The following CAPN14 variants were observed in gnomAD, a reference collection of about 807,000 sequenced individuals.
CAPN14 encodes calpain-14.
CAPN14 carries 94 observed loss-of-function variants against 101.3 expected under a neutral mutation model. The ratio of observed to expected loss-of-function variants is 0.93; its 90% CI spans 0.79 to 1.10. The LOEUF (loss-of-function observed/expected upper bound fraction) is 1.10, where lower values mean the gene tolerates loss of function less well. CAPN14 is among the 50% of genes least tolerant of loss of function. The pLI is 0.00. For missense variants in CAPN14, 837 were observed against 828.4 expected (o/e 1.01, Z -0.13); for synonymous variants, 338 against 317.9 (o/e 1.06, Z -0.67).
intron 12 of CAPN14, among the ~76,000 whole-genome samples, chr2:31,189,998 A>C (rs891173310): frequency 2.6e-5 from 4 of 152,194 alleles, no homozygotes; most frequent in African/African-American, 9.7e-5. Context: ...ACAGCTACAC[A>C]CAGATAAGCT....
chr2:31,216,742 C>G (rs1245960243), intron 1 of CAPN14, among the ~76,000 whole-genome samples: 5 of 152,132 alleles, frequency 3.3e-5, no homozygotes, highest in Admixed American at 1.3e-4. Context: ...CCGACTACCT[C>G]GCTCTGGAGT....
At chr2:31,201,282 G>A (rs911925386) in intron 5 of CAPN14, among the ~76,000 whole-genome samples, 3 of 152,090 alleles carry the variant, frequency 2.0e-5, no homozygotes, top group Non-Finnish European at 2.9e-5. Flanking sequence ...CTCCATACAT[G>A]CCAAGTACCC....
intron 1 of CAPN14, among the ~76,000 whole-genome samples, chr2:31,232,683 G>A (rs1683230950): frequency 6.6e-6 from 1 of 152,158 alleles, no homozygotes; most frequent in Admixed American, 6.5e-5. Flanking sequence ...CATGAGAACA[G>A]CATGAATGAA....
chr2:31,224,135 CTT>C (rs1682949285), intron 2 of CAPN14, among the ~76,000 whole-genome samples: 6 of 152,244 alleles, frequency 3.9e-5, no homozygotes, highest in Non-Finnish European at 7.4e-5. Flanking sequence ...TGGGGCAGTG[CTT>C]TAGTATTCTT....
At chr2:31,221,147 T>C (rs1682852038), upstream of CAPN14, among the ~76,000 whole-genome samples, 1 of 152,200 alleles carries the variant, frequency 6.6e-6, no homozygotes, top group Non-Finnish European at 1.5e-5. Flanking sequence ...CGTTAAGAAA[T>C]TCACTATGAA....
chr2:31,181,062 A>G (rs1167727225), intron 16 of CAPN14, 62 bp from the exon 17 acceptor site: 1 of 1,382,764 alleles, frequency 7.2e-7, no homozygotes, highest in East Asian at 2.5e-5. Context: ...CCCTTTTCTG[A>G]GCAGGAAGAG....
upstream of CAPN14, among the ~76,000 whole-genome samples, chr2:31,222,021 T>G (rs114511667): frequency 0.033 from 5,088 of 152,238 alleles, 90 homozygotes; most frequent in African/African-American, 0.039. Flanking sequence ...TTAACAACTA[T>G]GTCAAATAGC....
Position 31,201,971 on chromosome 2 carries a change from C to T in CAPN14, c.442G>A (p.Val148Met). The T allele has an allele frequency of 1.3e-6, 2 of 1,551,748 alleles. No individual in the cohort carries two copies. Among genetic ancestry groups the T allele is most frequent in the Admixed American group, 2.0e-5 (1 of 51,008 alleles). Residue 148 changes from valine to methionine, a missense_variant, in exon 5 of 22, where the codon GTG (valine) becomes ATG (methionine). Coordinates refer to ENST00000403897, the MANE Select transcript of CAPN14 (RefSeq NM_001145122.2). ...ACAGGCAGACGGTCATCGATCACCA[C>T]AGGAACCCAGTTCCCATAGTGCCAG... ...WFWHYGNWVP[V>M]VIDDRLPVNE...
At chr2:31,211,943 G>T (rs981436048) in intron 1 of CAPN14, among the ~76,000 whole-genome samples, 5 of 152,070 alleles carry the variant, frequency 3.3e-5, no homozygotes, top group African/African-American at 1.2e-4. Flanking sequence ...AACTTTTGGG[G>T]TAATGGAAAT....
intron 2 of CAPN14, among the ~76,000 whole-genome samples, chr2:31,224,565 C>T (rs1682965174): frequency 6.6e-6 from 1 of 150,986 alleles, no homozygotes; most frequent in Admixed American, 6.6e-5. Flanking sequence ...AAAATTGTAG[C>T]CAAAATATGA....
At chr2:31,184,475 T>C (rs1444282131) in intron 16 of CAPN14, among the ~76,000 whole-genome samples, 1 of 152,220 alleles carries the variant, frequency 6.6e-6, no homozygotes, top group African/African-American at 2.4e-5. Context: ...AGTATCTCTT[T>C]GAAATATGGT....
At chr2:31,218,779 C>A (rs553348511), upstream of CAPN14, among the ~76,000 whole-genome samples, 78 of 152,318 alleles carry the variant, frequency 5.1e-4, no homozygotes, top group Admixed American at 4.8e-3. Flanking sequence ...GTTCCACTAA[C>A]TTCTCCTCAT....
At chr2:31,206,041 T>TTA (rs1682069645) in intron 1 of CAPN14, among the ~76,000 whole-genome samples, 3 of 147,700 alleles carry the variant, frequency 2.0e-5, no homozygotes, top group African/African-American at 4.9e-5. Context: ...TTTATTTATT[T>TTA]TTTTTTTTTG....
upstream of CAPN14, among the ~76,000 whole-genome samples, chr2:31,220,426 C>T (rs569528883): frequency 1.3e-5 from 2 of 152,282 alleles, no homozygotes; most frequent in African/African-American, 4.8e-5. Flanking sequence ...AAGAGTAAAG[C>T]GAGAAAGTCA....
At position 31,230,166 on chromosome 2, in the gene CAPN14, G is replaced by C. The variant is rs1683146498; in HGVS notation, c.-176-3515C>G. Among the ~76,000 whole-genome samples the C allele has an allele frequency of 6.6e-6, 1 of 152,030 alleles. No homozygotes were observed. Among genetic ancestry groups the C allele is most frequent in the Non-Finnish European group, 1.5e-5 (1 of 67,984 alleles). On this transcript the variant is annotated intron_variant and NMD_transcript_variant, in intron 1 of 21. Coordinates refer to the CAPN14 transcript ENST00000398824. The surrounding 1 kb of genome is among the most constrained non-coding windows in gnomAD (Gnocchi z 4.3). Reference sequence around the variant, plus strand: ...TAGTAACCAATAGTTCTTGCTTTTTGTTCCTCTCCTTCCTCCCACCCTCCA... The same window carrying C: ...TAGTAACCAATAGTTCTTGCTTTTTCTTCCTCTCCTTCCTCCCACCCTCCA...
rs1003390835 is a variant in CAPN14 at position 31,186,444 on chromosome 2, G to T, written c.1629C>A (p.Asn543Lys). The T allele has an allele frequency of 1.3e-6, 2 of 1,549,572 alleles. No individual in the cohort carries two copies. Among genetic ancestry groups the T allele is most frequent in the African/African-American group, 2.7e-5 (2 of 72,910 alleles). The change falls in exon 16 of 22, where the codon AAC (asparagine) becomes AAA (lysine). Residue 543 changes from asparagine to lysine, a missense_variant. Transcript: ENST00000403897. Reference protein sequence around the residue: ...INAVQLQNLLNQMTWSSLGSR... With the variant: ...INAVQLQNLLKQMTWSSLGSR... ...AACACTTACTTGACCAGGTCATCTG[G>T]TTCAGGAGGTTCTGAAGTTGAACTG...
chr2:31,215,900 A>G (rs1418035789), intron 1 of CAPN14, among the ~76,000 whole-genome samples: 1 of 152,130 alleles, frequency 6.6e-6, no homozygotes, highest in Non-Finnish European at 1.5e-5. Context: ...AGCTAAACAC[A>G]TACAAACTAT....
chr2:31,206,308 G>T (rs1193145610), intron 1 of CAPN14, among the ~76,000 whole-genome samples: 2 of 152,186 alleles, frequency 1.3e-5, no homozygotes, highest in African/African-American at 2.4e-5. Context: ...GGGTGCGTGG[G>T]TCTCTCACAG....
chr2:31,203,315 T>G (rs1403182670), intron 2 of CAPN14, among the ~76,000 whole-genome samples, 176 bp from the exon 3 acceptor site: 1 of 152,208 alleles, frequency 6.6e-6, no homozygotes, highest in Non-Finnish European at 1.5e-5. Flanking sequence ...CCTTTGTATT[T>G]CTCATTCCTT....
Sources: allele counts gnomAD v4.1 joint callset (sites outside exome capture counted in the v4.1 genomes callset), GRCh38; gene constraint gnomAD v4.1.1; non-coding constraint Gnocchi (gnomAD v3.1); transcripts MANE v1.5; gene names NCBI Gene and HGNC (gene_info 2026-07-23, HGNC 2026-07-21).